CALHM2: variants seen among roughly 807,000 people sequenced by gnomAD.
CALHM2 encodes calcium homeostasis modulator protein 2.
CALHM2 carries 18 observed loss-of-function variants against 20.4 expected under a neutral mutation model. The ratio of observed to expected loss-of-function variants is 0.88; its 90% CI spans 0.61 to 1.31. The LOEUF is 1.31. CALHM2 is among the 50% of genes most tolerant of loss of function. The pLI is 0.00. For synonymous variants in CALHM2, 193 were observed against 192.1 expected (o/e 1.00, Z -0.04); for missense variants, 411 against 435.7 (o/e 0.94, Z 0.50).
Position 103,449,162 on chromosome 10 carries a change from T to A in CALHM2, c.555+225A>T, listed in dbSNP as rs143279755. 37 of 556,886 alleles carry A rather than the reference T, an allele frequency of 6.6e-5. No homozygotes were observed. In the East Asian group the frequency reaches 9.7e-4, roughly 15 times the overall value. The allele number at this position is 556,886 out of a possible 1,614,324, so 34.5% of individuals were successfully genotyped here. A position where few individuals can be genotyped will look rare whatever the true frequency, so the allele number is the denominator to read the frequency against. On this transcript the variant is annotated intron_variant, in intron 3 of 3. Coordinates refer to ENST00000260743, the MANE Select transcript of CALHM2 (RefSeq NM_015916.5). ...TAAAACTAATTTGGTCATATACAAC[T>A]GAGATTTACAGTAAAAAAAAAAATT...
intron 3 of CALHM2, among the ~76,000 whole-genome samples, chr10:103,448,531 C>T (rs1425605847): frequency 2.6e-5 from 4 of 151,598 alleles, no homozygotes; most frequent in Admixed American, 2.6e-4. Flanking sequence ...ACCAGCCTGG[C>T]CAACATGGCG....
chr10:103,452,214 G>A lies in CALHM2; in HGVS notation c.-420C>T, dbSNP rs2033035666. 6.6e-6 allele frequency: 1 copy of A among 152,384 alleles called. No individual in the cohort carries two copies. Among genetic ancestry groups the A allele is most frequent in the Non-Finnish European group, 1.5e-5 (1 of 68,164 alleles). The allele number at this position is 152,384 out of a possible 1,614,324, so 9.4% of individuals were successfully genotyped here. A position where few individuals can be genotyped will look rare whatever the true frequency, so the allele number is the denominator to read the frequency against. On this transcript the variant is annotated 5_prime_UTR_variant, in exon 1 of 4. Coordinates refer to ENST00000260743, the MANE Select transcript of CALHM2 (RefSeq NM_015916.5). ...CTCCTCGGGGCCGGACTCTCCAAGT[G>A]GCCTCCAGGAGGGCGGTGCAGGGCA...
chr10:103,450,100 C>T lies in CALHM2; in HGVS notation c.-158-1G>A. On this transcript the variant is annotated splice_acceptor_variant, in intron 2 of 3. Coordinates refer to ENST00000260743, the MANE Select transcript of CALHM2 (RefSeq NM_015916.5). LOFTEE classifies it low-confidence loss of function (5UTR_SPLICE). ...CCAGCTGTGGTTGGCCTGGTGTTTC[C>T]TGTGGAGCAGATGACCGATAAGTGT... The T allele has an allele frequency of 3.1e-6, 2 of 645,530 alleles. No individual in the cohort carries two copies. The highest frequency in any genetic ancestry group is 5.3e-6 in the Non-Finnish European group (2 of 374,254). The allele number at this position is 645,530 out of a possible 1,614,324, so 40.0% of individuals were successfully genotyped here.
rs1229830606 is a variant in CALHM2 at position 103,449,687 on chromosome 10, C to T, written c.255G>A (p.Glu85=). The part of the protein sequence containing the change: ...LNNHTWNLVA[E]CQHRRTKNCS... The stretch of plus-strand genomic sequence containing the variant: ...AGTTCTTGGTCCTCCGGTGCTGGCA[C>T]TCGGCCACGAGGTTCCAGGTGTGGT... Residue 85 remains glutamate (E), a synonymous_variant, in exon 3 of 4, where the codon GAG becomes GAA. Transcript: ENST00000260743. The T allele has an allele frequency of 2.5e-6, 4 of 1,613,788 alleles. No individual in the cohort carries two copies. The highest frequency in any genetic ancestry group is 3.3e-5 in the Admixed American group (2 of 60,024).
intron 3 of CALHM2, among the ~76,000 whole-genome samples, chr10:103,448,845 TCTGTCCCTTGACCA>T (rs1484341329): frequency 6.6e-6 from 1 of 152,202 alleles, no homozygotes; most frequent in Non-Finnish European, 1.5e-5. Flanking sequence ...TCCCTTGCCC[TCTGTCCCTTGACCA>T]ACCTCCTCTC....
Position 103,450,101 on chromosome 10 carries a change from T to G in CALHM2, c.-158-2A>C. On this transcript the variant is annotated splice_acceptor_variant, in intron 2 of 3. Coordinates refer to ENST00000260743, the MANE Select transcript of CALHM2 (RefSeq NM_015916.5). LOFTEE classifies it low-confidence loss of function (5UTR_SPLICE). ...CAGCTGTGGTTGGCCTGGTGTTTCC[T>G]GTGGAGCAGATGACCGATAAGTGTT... 4.7e-6 allele frequency: 3 copies of G among 642,112 alleles called. No homozygotes were observed. In the East Asian group the frequency reaches 8.1e-5, roughly 17 times the overall value. 39.8% of individuals were successfully genotyped at this position (642,112 alleles called of 1,614,324 possible).
chr10:103,448,720 CAA>C (rs542997668), intron 3 of CALHM2, among the ~76,000 whole-genome samples: 11 of 127,430 alleles, frequency 8.6e-5, no homozygotes, highest in Admixed American at 1.6e-4. Context: ...GACTCTGTCT[CAA>C]AAAAAAAAAA....
At chr10:103,447,939 C>T (rs2032746718) in intron 3 of CALHM2, among the ~76,000 whole-genome samples, 1 of 152,122 alleles carries the variant, frequency 6.6e-6, no homozygotes, top group Non-Finnish European at 1.5e-5. Context: ...TCACCATCTG[C>T]CTTGTTTGGA....
chr10:103,449,190 TA>T, intron 3 of CALHM2, 196 bp downstream of exon 3: 1 of 600,474 alleles, frequency 1.7e-6, no homozygotes, highest in Middle Eastern at 4.5e-4. Context: ...AAAAAATTGA[TA>T]AAACTGTCTT....
rs1051386510 is a variant in CALHM2, at chr10:103,446,960, C to T, written c.*192G>A. On this transcript the variant is annotated 3_prime_UTR_variant, in exon 4 of 4. Coordinates refer to ENST00000260743, the MANE Select transcript of CALHM2 (RefSeq NM_015916.5). ...AGCCCACTGGTGAGCTTCACTGTCACCTGGCCCTGCTGGCTGGGGCTTCCA... is the reference window on the plus strand; with the variant it reads ...AGCCCACTGGTGAGCTTCACTGTCATCTGGCCCTGCTGGCTGGGGCTTCCA... 3 of 587,878 alleles carry T rather than the reference C, an allele frequency of 5.1e-6. No individual in the cohort carries two copies. In the African/African-American group the frequency reaches 5.6e-5, roughly 11 times the overall value. 36.4% of individuals were successfully genotyped at this position (587,878 alleles called of 1,614,324 possible).
rs779559082 is a variant in CALHM2, at chr10:103,447,078, T to C, written c.*74A>G. 72 of 1,411,640 alleles carry C rather than the reference T, an allele frequency of 5.1e-5. 1 individual carries two copies. The highest frequency in any genetic ancestry group is 1.9e-4 in the Middle Eastern group (1 of 5,320). The allele number at this position is 1,411,640 out of a possible 1,614,324, so 87.4% of individuals were successfully genotyped here. A position where few individuals can be genotyped will look rare whatever the true frequency, so the allele number is the denominator to read the frequency against. ...GTTTTTTAAAAATCCCCTTCTGATA[T>C]GGATGTGAGCAAGCAGTGGGGTTCA... On this transcript the variant is annotated 3_prime_UTR_variant, in exon 4 of 4. Transcript: ENST00000260743.
At chr10:103,450,342 C>T (rs1592152789) in intron 2 of CALHM2, 4 of 206,608 alleles carry the variant, frequency 1.9e-5, no homozygotes, top group Middle Eastern at 4.4e-3. Context: ...ACGAGTGGCT[C>T]GCCAGGGTCA....
chr10:103,449,818 C>T lies in CALHM2; in HGVS notation c.124G>A (p.Val42Met). The T allele has an allele frequency of 1.2e-6, 2 of 1,613,392 alleles. No homozygotes were observed. The highest frequency in any genetic ancestry group is 1.7e-6 in the Non-Finnish European group (2 of 1,180,022). Reference sequence around the variant, plus strand: ...GGCGAGCAGGGGCAGTGGAAGGCCACCACAGAGAACAGCTCCTGGCTGCCC... The same window carrying T: ...GGCGAGCAGGGGCAGTGGAAGGCCATCACAGAGAACAGCTCCTGGCTGCCC... ...TVGSQELFSVVAFHCPCSPAR... is the reference protein window; with the variant it reads ...TVGSQELFSVMAFHCPCSPAR... Residue 42 changes from valine to methionine, a missense_variant, in exon 3 of 4, where the codon GTG (valine) becomes ATG (methionine). Val to Met is a conservative substitution (Grantham distance 21). Transcript: ENST00000260743.
At position 103,447,567 on chromosome 10, in the gene CALHM2, A is replaced by T. The variant is rs1283736077; in HGVS notation, c.557T>A (p.Leu186His). ...CACGCCGATGAGCAGCCATCCAAAG[A>T]GCTGGCCAGAGAATGGGCACAGTTC... Reference protein sequence around the residue: ...VSRRLRYESQLFGWLLIGVVA... With the variant: ...VSRRLRYESQHFGWLLIGVVA... Residue 186 changes from leucine to histidine, a missense_variant and splice_region_variant, in exon 4 of 4, where the codon CTC becomes CAC. Coordinates refer to ENST00000260743, the MANE Select transcript of CALHM2 (RefSeq NM_015916.5). 2 of 1,585,628 alleles carry T rather than the reference A, an allele frequency of 1.3e-6. No individual in the cohort carries two copies. Among genetic ancestry groups the T allele is most frequent in the Non-Finnish European group, 1.7e-6 (2 of 1,163,622 alleles).
rs976079711 is a variant in CALHM2, at chr10:103,449,227, C to T, written c.555+160G>A. 6 of 704,572 alleles carry T rather than the reference C, an allele frequency of 8.5e-6. No individual in the cohort carries two copies. The Admixed American group carries it at 1.3e-4, about 15-fold the overall frequency. 43.6% of individuals were successfully genotyped at this position (704,572 alleles called of 1,614,324 possible). On this transcript the variant is annotated intron_variant, in intron 3 of 3. Coordinates refer to ENST00000260743, the MANE Select transcript of CALHM2 (RefSeq NM_015916.5). ...ATTTGTGTCTGGAACTGGCCCTTGCCCCACCATGCACCAGTTAACCAGCCC... is the reference window on the plus strand; with the variant it reads ...ATTTGTGTCTGGAACTGGCCCTTGCTCCACCATGCACCAGTTAACCAGCCC...
intron 3 of CALHM2, 122 bp downstream of exon 3, chr10:103,449,265 C>T: frequency 1.2e-6 from 1 of 845,598 alleles, no homozygotes; most frequent in Non-Finnish European, 2.0e-6. Context: ...ATACCTAACG[C>T]TAGTGCTTTC....
chr10:103,452,016 G>C (rs920105827), intron 1 of CALHM2, 140 bp downstream of exon 1: 2 of 152,452 alleles, frequency 1.3e-5, no homozygotes, highest in African/African-American at 4.8e-5. Context: ...CTGGCGGCTC[G>C]GGGAGGGGCA....
intron 2 of CALHM2, chr10:103,450,512 G>A (rs1303769380): frequency 6.3e-6 from 1 of 159,984 alleles, no homozygotes; most frequent in East Asian, 1.8e-4. Flanking sequence ...AGTCCAGGTG[G>A]CGCATATTAG....
chr10:103,449,673 C>G lies in CALHM2; in HGVS notation c.269G>C (p.Arg90Thr). Residue 90 changes from arginine to threonine, a missense_variant, in exon 3 of 4, where the codon AGG (arginine) becomes ACG (threonine). Physicochemically the swap from Arg to Thr is moderately conservative, Grantham distance 71. Coordinates refer to ENST00000260743, the MANE Select transcript of CALHM2 (RefSeq NM_015916.5). The part of the protein sequence containing the change: ...WNLVAECQHR[R>T]TKNCSAAPTF... Reference sequence around the variant, plus strand: ...GGGGGCGGCGGAGCAGTTCTTGGTCCTCCGGTGCTGGCACTCGGCCACGAG... The same window carrying G: ...GGGGGCGGCGGAGCAGTTCTTGGTCGTCCGGTGCTGGCACTCGGCCACGAG... 1 of 1,613,886 alleles carries G rather than the reference C, an allele frequency of 6.2e-7. No homozygotes were observed. Among genetic ancestry groups the G allele is most frequent in the Non-Finnish European group, 8.5e-7 (1 of 1,180,052 alleles).
Sources: gnomAD v4.1 joint callset for allele counts (sites outside exome capture counted in the v4.1 genomes callset) on GRCh38, gnomAD v4.1.1 for gene constraint, MANE v1.5 for transcripts, NCBI Gene and HGNC (gene_info 2026-07-23, HGNC 2026-07-21) for gene names.